Variants in GALNTL6 observed in about 807,000 individuals in gnomAD.
GALNTL6 encodes polypeptide N-acetylgalactosaminyltransferase-like 6.
A neutral mutation model predicts 73.7 loss-of-function variants in GALNTL6; 46 were observed. The ratio of observed to expected loss-of-function variants is 0.62; its 90% CI spans 0.49 to 0.80. The LOEUF is 0.80. Ranked by LOEUF, GALNTL6 falls within the 30% of genes least tolerant of loss-of-function variation. The pLI is 0.00. For synonymous variants in GALNTL6, 259 were observed against 263.7 expected, an observed-to-expected ratio of 0.98 and a Z score of 0.17; for missense variants, 604 against 755.0, an observed-to-expected ratio of 0.80 and a Z score of 2.34.
chr4:172,949,680 C>G (rs557356033), intron 9 of GALNTL6, among the ~76,000 whole-genome samples: 6 of 151,912 alleles, frequency 3.9e-5, no homozygotes, highest in Admixed American at 3.9e-4. Flanking sequence ...GAGGCCAACG[C>G]GGGTGGATCA....
chr4:172,303,424 C>T (rs1244770572), intron 3 of GALNTL6, among the ~76,000 whole-genome samples: 1 of 152,154 alleles, frequency 6.6e-6, no homozygotes, highest in East Asian at 1.9e-4. Flanking sequence ...TACTACTCCA[C>T]CTTATGAAAA....
At chr4:172,991,617 A>G (rs1287313785) in intron 10 of GALNTL6, among the ~76,000 whole-genome samples, 1 of 151,992 alleles carries the variant, frequency 6.6e-6, no homozygotes, top group African/African-American at 2.4e-5. Context: ...CATGTTGGCC[A>G]GGCTGGTCTG....
At chr4:172,541,055 G>T (rs1004174883) in intron 5 of GALNTL6, among the ~76,000 whole-genome samples, 7 of 152,148 alleles carry the variant, frequency 4.6e-5, no homozygotes, top group East Asian at 3.8e-4. Context: ...ATCTGTCAAA[G>T]AAAGATATTT....
At chr4:172,580,412 A>G (rs1372532570) in intron 5 of GALNTL6, among the ~76,000 whole-genome samples, 1 of 152,242 alleles carries the variant, frequency 6.6e-6, no homozygotes, top group African/African-American at 2.4e-5. Flanking sequence ...CAAATTGAAA[A>G]TTAAAAACCC....
chr4:172,887,047 A>G (rs1330199488), intron 8 of GALNTL6, among the ~76,000 whole-genome samples: 1 of 152,096 alleles, frequency 6.6e-6, no homozygotes, highest in South Asian at 2.1e-4. Context: ...TGTGTACTCA[A>G]TGCTTATCCT....
chr4:172,288,675 T>C (rs1358607206), intron 3 of GALNTL6, among the ~76,000 whole-genome samples: 1 of 152,206 alleles, frequency 6.6e-6, no homozygotes, highest in Non-Finnish European at 1.5e-5. Context: ...TCCTGGCACA[T>C]AATAAGTATG....
At chr4:172,800,455 T>C (rs537622692) in intron 5 of GALNTL6, among the ~76,000 whole-genome samples, 1 of 152,294 alleles carries the variant, frequency 6.6e-6, no homozygotes, top group South Asian at 2.1e-4. Context: ...TAACATTTAC[T>C]GAGTAAAGCC....
intron 3 of GALNTL6, among the ~76,000 whole-genome samples, chr4:172,265,866 G>A (rs1230420552): frequency 6.6e-6 from 1 of 151,918 alleles, no homozygotes; most frequent in African/African-American, 2.4e-5. Context: ...ATTGGAGACT[G>A]TTGTGATTTA....
rs142560338 is a variant in GALNTL6, at chr4:172,334,060, A to G, written c.387-14463A>G. On this transcript the variant is annotated intron_variant, in intron 4 of 12. Transcript: ENST00000506823. ...CATTGGTCTGTGTATCTATTTTTAT[A>G]CCAATACCAGTGCTATTTGGTATGG... Among the ~76,000 whole-genome samples, 856 of 152,234 alleles carry G rather than the reference A, an allele frequency of 5.6e-3. 2 individuals are homozygous for G. The highest frequency in any genetic ancestry group is 0.024 in the Middle Eastern group (7 of 294).
At chr4:172,654,688 C>A (rs977033277) in intron 5 of GALNTL6, among the ~76,000 whole-genome samples, 1 of 152,182 alleles carries the variant, frequency 6.6e-6, no homozygotes, top group African/African-American at 2.4e-5. Context: ...GATCAGCCAA[C>A]CATGTCAAGC....
At chr4:172,416,490 C>T (rs1362727773) in intron 5 of GALNTL6, among the ~76,000 whole-genome samples, 1 of 152,168 alleles carries the variant, frequency 6.6e-6, no homozygotes, top group African/African-American at 2.4e-5. Context: ...TTTCACTCTT[C>T]ATTTATCTAA....
At chr4:172,428,249 G>T (rs1463422969) in intron 5 of GALNTL6, among the ~76,000 whole-genome samples, 1 of 152,064 alleles carries the variant, frequency 6.6e-6, no homozygotes, top group Non-Finnish European at 1.5e-5. Flanking sequence ...GGTAGAAATA[G>T]GAGCTAGTTA....
chr4:172,159,390 A>G (rs1734384674), intron 2 of GALNTL6, among the ~76,000 whole-genome samples: 2 of 152,214 alleles, frequency 1.3e-5, no homozygotes, highest in South Asian at 4.1e-4. Context: ...ACAAATAAAC[A>G]CACAATTACA....
At chr4:172,048,665 A>G (rs1742284117) in intron 2 of GALNTL6, among the ~76,000 whole-genome samples, 1 of 152,218 alleles carries the variant, frequency 6.6e-6, no homozygotes, top group African/African-American at 2.4e-5. Context: ...GTAACTACTT[A>G]AAATTTGTAC....
rs189561936 is a variant in GALNTL6 at position 172,983,322 on chromosome 4, A to G, written c.1372-25856A>G. On this transcript the variant is annotated intron_variant, in intron 10 of 12. Coordinates refer to ENST00000506823, the MANE Select transcript of GALNTL6 (RefSeq NM_001034845.3). ...CTTCTGGCCTCCAAAACTGTGAGAT[A>G]ATAATTTCCAGCCACCAAGTTTGTG... is the stretch of plus-strand genomic sequence containing the variant. Among the ~76,000 whole-genome samples, 588 of 152,280 alleles carry G rather than the reference A, an allele frequency of 3.9e-3. 3 individuals carry two copies. Among genetic ancestry groups the G allele is most frequent in the African/African-American group, 0.013 (561 of 41,564 alleles).
intron 2 of GALNTL6, among the ~76,000 whole-genome samples, chr4:172,191,377 G>A (rs918847273): frequency 2.0e-5 from 3 of 152,080 alleles, no homozygotes; most frequent in African/African-American, 7.2e-5. Context: ...CTCTACAACT[G>A]CCCTCCCTGG....
At chr4:171,832,525 T>C (rs1735005850) in intron 2 of GALNTL6, among the ~76,000 whole-genome samples, 1 of 151,524 alleles carries the variant, frequency 6.6e-6, no homozygotes, top group South Asian at 2.1e-4. Flanking sequence ...TATTTCTATA[T>C]CTACTTATAT....
intron 4 of GALNTL6, 32 bp downstream of exon 4, chr4:172,311,784 G>GT (rs771408543): frequency 1.9e-5 from 27 of 1,430,404 alleles, no homozygotes; most frequent in South Asian, 4.7e-5. Flanking sequence ...ATCAGGGTGG[G>GT]TTTTTTTGGT....
intron 2 of GALNTL6, among the ~76,000 whole-genome samples, chr4:172,167,900 A>G (rs975999931): frequency 3.4e-5 from 5 of 149,062 alleles, no homozygotes; most frequent in African/African-American, 9.9e-5. Flanking sequence ...CGGAGCTTGC[A>G]GTGAGCCGAG....
Sources: gnomAD v4.1 joint callset for allele counts (sites outside exome capture counted in the v4.1 genomes callset) on GRCh38, gnomAD v4.1.1 for gene constraint, MANE v1.5 for transcripts, NCBI Gene and HGNC (gene_info 2026-07-23, HGNC 2026-07-21) for gene names.